The following HDAC9 variants were observed in gnomAD, a reference collection of about 807,000 sequenced individuals.
HDAC9 encodes the protein histone deacetylase 9.
In HDAC9, 41 loss-of-function variants were observed where a neutral mutation model predicts 139.4. That is an observed-to-expected ratio of 0.29 (90% CI 0.23 to 0.38). The LOEUF (loss-of-function observed/expected upper bound fraction) is 0.38, where lower values mean the gene tolerates loss of function less well. HDAC9 is among the 10% of genes least tolerant of loss of function. The pLI, the probability that HDAC9 is intolerant of heterozygous loss-of-function variation, is 1.00. For synonymous variants in HDAC9, 517 were observed against 476.2 expected (o/e 1.09, Z -1.12); for missense variants, 1,147 against 1,297.0 (o/e 0.88, Z 1.78).
At chr7:18,803,261 T>C (rs994910212) in intron 17 of HDAC9, among the ~76,000 whole-genome samples, 2 of 152,122 alleles carry the variant, frequency 1.3e-5, no homozygotes, top group African/African-American at 4.8e-5. Context: ...CTTTCTATTT[T>C]AAAGCAATAG....
chr7:18,633,192 G>A (rs1296250405), intron 7 of HDAC9, among the ~76,000 whole-genome samples: 3 of 152,092 alleles, frequency 2.0e-5, no homozygotes, highest in African/African-American at 7.2e-5. Context: ...GTAGGAGGAA[G>A]AAAAGTCAAA....
intron 1 of HDAC9, among the ~76,000 whole-genome samples, chr7:18,160,899 AG>A (rs1787585211): frequency 6.6e-6 from 1 of 152,140 alleles, no homozygotes; most frequent in Non-Finnish European, 1.5e-5. Context: ...TTATTATTAT[AG>A]TAAATATCAC....
chr7:18,378,772 A>G (rs953867551), intron 1 of HDAC9, among the ~76,000 whole-genome samples: 1 of 152,168 alleles, frequency 6.6e-6, no homozygotes, highest in African/African-American at 2.4e-5. Context: ...ACAAAACAAA[A>G]CAAAATGCCT....
At chr7:18,728,939 C>T (rs1372675748) in intron 13 of HDAC9, among the ~76,000 whole-genome samples, 1 of 152,126 alleles carries the variant, frequency 6.6e-6, no homozygotes, top group Non-Finnish European at 1.5e-5. Flanking sequence ...ATTTCTTTCT[C>T]CGTACTAGCC....
chr7:18,193,368 A>G (rs1285140450), intron 2 of HDAC9, among the ~76,000 whole-genome samples: 1 of 152,226 alleles, frequency 6.6e-6, no homozygotes, highest in African/African-American at 2.4e-5. Flanking sequence ...CCTACTTAGT[A>G]TCAGGTATTT....
intron 2 of HDAC9, among the ~76,000 whole-genome samples, chr7:18,528,321 A>G (rs1164484021): frequency 6.6e-6 from 1 of 151,922 alleles, no homozygotes; most frequent in East Asian, 1.9e-4. Flanking sequence ...TGGAGCTGGT[A>G]AGAAGAAATG....
intron 2 of HDAC9, among the ~76,000 whole-genome samples, chr7:18,511,624 A>C (rs1586513197): frequency 6.6e-6 from 1 of 152,152 alleles, no homozygotes; most frequent in East Asian, 1.9e-4. Context: ...ATAAAAGAAA[A>C]GACAAATATT....
Position 18,898,370 on chromosome 7 carries a change from A to G in HDAC9, c.2803+23774A>G, listed in dbSNP as rs138016244. 1.2e-4 allele frequency among the ~76,000 whole-genome samples: 18 copies of G among 152,086 alleles called. No homozygotes were observed. The East Asian group carries it at 3.3e-3, about 28-fold the overall frequency. ...GATGAGTGGTACACAGCCAAATGGA[A>G]CAAATAGCTAAAAATTTTTTACATA... On this transcript the variant is annotated intron_variant, in intron 22 of 25. Coordinates refer to ENST00000686413, the MANE Select transcript of HDAC9 (RefSeq NM_178425.4).
At chr7:18,321,213 A>T (rs535081397) in intron 1 of HDAC9, among the ~76,000 whole-genome samples, 60 of 152,126 alleles carry the variant, frequency 3.9e-4, no homozygotes, top group Non-Finnish European at 7.5e-4. Context: ...AGTATTTACA[A>T]CTACTTTTTC....
At chr7:18,289,839 T>C (rs1481422750), upstream of HDAC9, among the ~76,000 whole-genome samples, 2 of 152,188 alleles carry the variant, frequency 1.3e-5, no homozygotes, top group East Asian at 1.9e-4. Flanking sequence ...AAACAATTCA[T>C]AGCTGCTTCT....
chr7:18,485,732 A>G (rs1373473046), intron 1 of HDAC9, among the ~76,000 whole-genome samples: 1 of 152,108 alleles, frequency 6.6e-6, no homozygotes, highest in Non-Finnish European at 1.5e-5. Context: ...GCTATACTGA[A>G]AGGCAGATGT....
chr7:18,624,049 A>G (rs1267787538), intron 6 of HDAC9, among the ~76,000 whole-genome samples: 1 of 152,174 alleles, frequency 6.6e-6, no homozygotes, highest in Non-Finnish European at 1.5e-5. Context: ...TGTGTATACA[A>G]AAATCACGCC....
chr7:18,955,838 A>G (rs1291021467), intron 24 of HDAC9, among the ~76,000 whole-genome samples: 1 of 152,184 alleles, frequency 6.6e-6, no homozygotes, highest in Non-Finnish European at 1.5e-5. Context: ...TAAGGGCTGA[A>G]CAGCATGTTG....
At chr7:18,941,008 C>G (rs1376780300) in intron 23 of HDAC9, among the ~76,000 whole-genome samples, 1 of 152,018 alleles carries the variant, frequency 6.6e-6, no homozygotes, top group African/African-American at 2.4e-5. Flanking sequence ...AGGAAAAAAG[C>G]AAAACAAATT....
At chr7:18,253,622 T>G (rs1388444539) in intron 2 of HDAC9, among the ~76,000 whole-genome samples, 1 of 152,224 alleles carries the variant, frequency 6.6e-6, no homozygotes, top group Non-Finnish European at 1.5e-5. Flanking sequence ...TCTTGATTGC[T>G]TAATACAATA....
chr7:18,650,944 A>G (rs1789036829), intron 11 of HDAC9, among the ~76,000 whole-genome samples: 1 of 152,140 alleles, frequency 6.6e-6, no homozygotes. Context: ...CACGTTGGGT[A>G]TTCTCCAGAT....
chr7:18,387,303 G>A (rs770785009), intron 1 of HDAC9, among the ~76,000 whole-genome samples: 5 of 152,116 alleles, frequency 3.3e-5, no homozygotes, highest in African/African-American at 4.8e-5. Flanking sequence ...TTGGTACCCA[G>A]TGAGGAGTTT....
At chr7:18,589,976 C>T (rs531636832) in intron 3 of HDAC9, among the ~76,000 whole-genome samples, 191 of 152,178 alleles carry the variant, frequency 1.3e-3, no homozygotes, top group African/African-American at 4.4e-3. Context: ...ATGTGAGGGA[C>T]TTTGTAAAAT....
intron 16 of HDAC9, among the ~76,000 whole-genome samples, chr7:18,773,021 C>CA (rs1790451482): frequency 6.6e-6 from 1 of 151,876 alleles, no homozygotes; most frequent in Non-Finnish European, 1.5e-5. Context: ...GTGTATGGGA[C>CA]AAAATGTGAA....
Sources: allele counts gnomAD v4.1 joint callset (sites outside exome capture counted in the v4.1 genomes callset), GRCh38; gene constraint gnomAD v4.1.1; transcripts MANE v1.5; gene names NCBI Gene and HGNC (gene_info 2026-07-23, HGNC 2026-07-21).